The following ITCH variants were observed in gnomAD, a reference collection of about 807,000 sequenced individuals.
ITCH encodes E3 ubiquitin-protein ligase Itchy homolog.
In ITCH, 28 loss-of-function variants were observed where a neutral mutation model predicts 126.8. That is an observed-to-expected ratio of 0.22 (90% confidence interval 0.16 to 0.30). The LOEUF is 0.30. Among genes scored for constraint, ITCH ranks in the 10% least tolerant of loss-of-function variants. The pLI is 1.00. For missense variants in ITCH, 631 were observed against 1,032.4 expected (o/e 0.61, Z 5.33); for synonymous variants, 342 against 340.0 (o/e 1.01, Z -0.06).
In ITCH at chr20:34,510,574, CTG is replaced by C. The variant is rs1362714502; in HGVS notation, c.*2781_*2782del. 6.6e-6 allele frequency: 1 copy of C among 150,504 alleles called. No individual in the cohort carries two copies. The highest frequency in any genetic ancestry group is 1.5e-5 in the Non-Finnish European group (1 of 67,900). The allele number at this position is 150,504 out of a possible 1,614,324, so 9.3% of individuals were successfully genotyped here. A position where few individuals can be genotyped will look rare whatever the true frequency, so the allele number is the denominator to read the frequency against. ...GTTGGGGAAGACAGCATTCCACAGC[CTG>C]GTCAGGAGGGAAGGACCTCACTTGT... On this transcript the variant is annotated 3_prime_UTR_variant, in exon 25 of 25. Transcript: ENST00000374864.
intron 3 of ITCH, among the ~76,000 whole-genome samples, chr20:34,404,441 TGGAG>T (rs1568900072): frequency 4.3e-5 from 6 of 138,244 alleles, no homozygotes; most frequent in Non-Finnish European, 6.1e-5. Flanking sequence ...TTTTTTGAGA[TGGAG>T]TTTCACCCTT....
intron 6 of ITCH, among the ~76,000 whole-genome samples, chr20:34,414,543 C>T (rs557616715): frequency 1.1e-4 from 17 of 150,362 alleles, no homozygotes; most frequent in Admixed American, 4.0e-4. Flanking sequence ...TTCGGCTCAC[C>T]GCAACCTCTG....
At chr20:34,432,386 C>T (rs1252488376) in intron 7 of ITCH, among the ~76,000 whole-genome samples, 1 of 151,992 alleles carries the variant, frequency 6.6e-6, no homozygotes, top group Non-Finnish European at 1.5e-5. Context: ...TCAGTATTCT[C>T]AGGTTGTAAA....
At chr20:34,383,229 A>G (rs1364646799) in intron 2 of ITCH, among the ~76,000 whole-genome samples, 6 of 151,450 alleles carry the variant, frequency 4.0e-5, no homozygotes, top group Non-Finnish European at 8.8e-5. Context: ...TTTTTTGTAG[A>G]GATAGTGTCT....
intron 3 of ITCH, among the ~76,000 whole-genome samples, chr20:34,394,882 C>T (rs1367330861): frequency 6.6e-6 from 1 of 151,974 alleles, no homozygotes; most frequent in Admixed American, 6.6e-5. Context: ...GTCTGTTTGG[C>T]CCACAGAATA....
intron 2 of ITCH, among the ~76,000 whole-genome samples, chr20:34,374,478 CTT>C (rs1438016264): frequency 6.6e-6 from 1 of 152,124 alleles, no homozygotes; most frequent in African/African-American, 2.4e-5. Context: ...TTGAACAAGA[CTT>C]GGCTCACAGT....
At chr20:34,377,117 T>A (rs1173864867) in intron 2 of ITCH, among the ~76,000 whole-genome samples, 1 of 152,172 alleles carries the variant, frequency 6.6e-6, no homozygotes, top group African/African-American at 2.4e-5. Context: ...CTCACACCTG[T>A]AATCCCAGCA....
At chr20:34,503,115 TCCTA>T (rs2146561904) in intron 23 of ITCH, among the ~76,000 whole-genome samples, 2 of 152,326 alleles carry the variant, frequency 1.3e-5, no homozygotes, top group East Asian at 3.9e-4. Context: ...TTATAACGTT[TCCTA>T]TATTACTGGA....
chr20:34,384,533 C>A (rs1298624963), intron 2 of ITCH, among the ~76,000 whole-genome samples: 1 of 152,020 alleles, frequency 6.6e-6, no homozygotes, highest in Admixed American at 6.6e-5. Flanking sequence ...CCCGCCTCAG[C>A]TTCCCAAAGT....
chr20:34,486,840 GGCA>G (rs1441053686), intron 20 of ITCH, among the ~76,000 whole-genome samples: 6 of 151,504 alleles, frequency 4.0e-5, no homozygotes, highest in Non-Finnish European at 8.8e-5. Flanking sequence ...TGGGACTACA[GGCA>G]TGTGCCACCA....
At chr20:34,419,044 T>C (rs1263499857) in intron 6 of ITCH, among the ~76,000 whole-genome samples, 4 of 152,166 alleles carry the variant, frequency 2.6e-5, no homozygotes, top group Non-Finnish European at 5.9e-5. Context: ...ATTACAGGCA[T>C]GAGCCACCGC....
intron 12 of ITCH, among the ~76,000 whole-genome samples, chr20:34,454,796 ATTTTTCT>A (rs1379506565): frequency 7.6e-6 from 1 of 131,674 alleles, no homozygotes; most frequent in Non-Finnish European, 1.6e-5. Context: ...ATAGTTACCA[ATTTTTCT>A]TTTTTCTTTT....
chr20:34,371,883 A>G (rs188515877), intron 2 of ITCH, among the ~76,000 whole-genome samples: 57 of 152,172 alleles, frequency 3.7e-4, no homozygotes, highest in Admixed American at 3.5e-3. Context: ...TATCTATTGA[A>G]TGTTTTGAAT....
chr20:34,445,382 G>A lies in ITCH; in HGVS notation c.1061G>A (p.Arg354Gln), dbSNP rs763307837. ...CAGAGGCCAACACTGGAATCCGTCC[G>A]GAACTATGAACAATGGCAGCTACAG... ...TWQRPTLESV[R>Q]NYEQWQLQRS... The change falls in exon 11 of 25, where the codon CGG (arginine) becomes CAG (glutamine). Residue 354 changes from arginine to glutamine, a missense_variant. Physicochemically the swap from Arg to Gln is conservative, Grantham distance 43. Around this residue, in one of 4 missense-constraint regions of ITCH, gnomAD observed 390 missense variants for 731.6 expected, o/e 0.53. Transcript: ENST00000374864. 3.1e-6 allele frequency: 5 copies of A among 1,613,780 alleles called. No homozygotes were observed. The highest frequency in any genetic ancestry group is 2.2e-5 in the East Asian group (1 of 44,864).
chr20:34,380,605 C>CTTTTTTTTTTT (rs35848431), intron 2 of ITCH, among the ~76,000 whole-genome samples: 2 of 69,244 alleles, frequency 2.9e-5, no homozygotes, highest in Non-Finnish European at 5.2e-5. Context: ...TTAATGATGT[C>CTTTTTTTTTTT]TTTTTTTTTT....
At chr20:34,437,002 G>A (rs1444629224) in intron 7 of ITCH, among the ~76,000 whole-genome samples, 2 of 152,048 alleles carry the variant, frequency 1.3e-5, no homozygotes, top group Admixed American at 1.3e-4. Flanking sequence ...GGTGGCAGGT[G>A]CCTGTAGTCC....
chr20:34,414,455 T>C (rs1294646898), intron 6 of ITCH, among the ~76,000 whole-genome samples: 4 of 128,092 alleles, frequency 3.1e-5, no homozygotes, highest in Non-Finnish European at 6.6e-5. Context: ...TGACTTTAAA[T>C]CCTTTTTTTT....
At position 34,504,381 on chromosome 20, in the gene ITCH, T is replaced by C. The variant is rs750008016; in HGVS notation, c.2467T>C (p.Trp823Arg). Reference sequence around the variant, plus strand: ...CATTGAAAAAGTTGGGAAAGAAAATTGGCTACCCAGAAGTCATACCTGGTA... The same window carrying C: ...CATTGAAAAAGTTGGGAAAGAAAATCGGCTACCCAGAAGTCATACCTGGTA... Reference protein sequence around the residue: ...FCIEKVGKENWLPRSHTCFNR... With the variant: ...FCIEKVGKENRLPRSHTCFNR... The change falls in exon 24 of 25, where the codon TGG (tryptophan) becomes CGG (arginine). Residue 823 changes from tryptophan to arginine, a missense_variant. Transcript: ENST00000374864. 1 of 1,612,830 alleles carries C rather than the reference T, an allele frequency of 6.2e-7. No homozygotes were observed. The highest frequency in any genetic ancestry group is 8.5e-7 in the Non-Finnish European group (1 of 1,178,804).
intron 2 of ITCH, among the ~76,000 whole-genome samples, chr20:34,383,965 C>T (rs1287871070): frequency 6.6e-6 from 1 of 150,590 alleles, no homozygotes; most frequent in Non-Finnish European, 1.5e-5. Context: ...CTGTCTCAGC[C>T]TCCCGAGTAT....
Sources: gnomAD v4.1 joint callset for allele counts (sites outside exome capture counted in the v4.1 genomes callset) on GRCh38, gnomAD v4.1.1 for gene constraint, gnomAD v4.1.1 regional missense constraint, MANE v1.5 for transcripts, NCBI Gene and HGNC (gene_info 2026-07-23, HGNC 2026-07-21) for gene names.